MAGI1: variants seen among roughly 807,000 people sequenced by gnomAD.
MAGI1 encodes membrane associated guanylate kinase, WW and PDZ domain containing 1.
MAGI1 carries 58 observed loss-of-function variants against 139.9 expected under a neutral mutation model. The observed-to-expected ratio is 0.41, with a 90% confidence interval of 0.34 to 0.52. MAGI1 has a LOEUF of 0.52. Among genes scored for constraint, MAGI1 ranks in the 20% least tolerant of loss-of-function variants. MAGI1 has a pLI of 0.12. For missense variants in MAGI1, 1,874 were observed against 1,901.6 expected, an observed-to-expected ratio of 0.99 and a Z score of 0.27; for synonymous variants, 812 against 737.9, an observed-to-expected ratio of 1.10 and a Z score of -1.63.
intron 12 of MAGI1, chr3:65,401,951 C>CA (rs1553640157): frequency 1.1e-6 from 1 of 948,238 alleles, no homozygotes; most frequent in Non-Finnish European, 1.3e-6. Context: ...TTGGTCTTTT[C>CA]TTTTTTTTTC....
At chr3:65,714,214 G>A (rs1056657257) in intron 1 of MAGI1, among the ~76,000 whole-genome samples, 17 of 152,304 alleles carry the variant, frequency 1.1e-4, no homozygotes, top group Non-Finnish European at 2.1e-4. Flanking sequence ...AGTGCCTTGA[G>A]TGACTCTTGT....
At chr3:65,530,263 G>T (rs927375886) in intron 2 of MAGI1, among the ~76,000 whole-genome samples, 1 of 151,896 alleles carries the variant, frequency 6.6e-6, no homozygotes. Flanking sequence ...ACTGAATTAG[G>T]CGAGTGCTAA....
chr3:65,385,070 T>A (rs986728289), intron 14 of MAGI1, among the ~76,000 whole-genome samples: 1 of 152,224 alleles, frequency 6.6e-6, no homozygotes, highest in Non-Finnish European at 1.5e-5. Flanking sequence ...AATTTGCCTA[T>A]GATATTTCAG....
intron 8 of MAGI1, among the ~76,000 whole-genome samples, chr3:65,440,851 GTATACATA>G (rs1948258843): frequency 6.2e-5 from 1 of 16,038 alleles, no homozygotes; most frequent in Non-Finnish European, 1.6e-4. Flanking sequence ...ATATACATAT[GTATACATA>G]TATATGTATA....
intron 2 of MAGI1, among the ~76,000 whole-genome samples, chr3:65,537,267 T>A (rs2079002947): frequency 6.6e-6 from 1 of 152,166 alleles, no homozygotes; most frequent in Non-Finnish European, 1.5e-5. Flanking sequence ...CTTTCCTTCT[T>A]TCTCTGCCCA....
rs191518399 is a variant in MAGI1, at chr3:65,873,055, A to G, written c.313+164941T>C. 16 of 152,304 alleles carry G rather than the reference A, an allele frequency of 1.1e-4. No individual in the cohort carries two copies. In the East Asian group the frequency reaches 2.9e-3, roughly 28 times the overall value. 9.4% of individuals were successfully genotyped at this position (152,304 alleles called of 1,614,324 possible). ...TATTAACACACTTTATGTATTCCAG[A>G]CTTCAATTCTAAAAAAAGAACAAAG... On this transcript the variant is annotated intron_variant, in intron 1 of 22. Transcript: ENST00000402939.
chr3:65,747,903 G>A (rs1449017661), intron 1 of MAGI1, among the ~76,000 whole-genome samples: 2 of 152,320 alleles, frequency 1.3e-5, no homozygotes, highest in East Asian at 1.9e-4. Context: ...CAAAGCCAGC[G>A]GGCGAGGCAG....
rs72137110 is a variant in MAGI1 at position 65,477,712 on chromosome 3, T to TTATTA, written c.757+879_757+880insTAATA. 1.6e-3 allele frequency among the ~76,000 whole-genome samples: 142 copies of TTATTA among 88,666 alleles called. 1 individual carries two copies. Among genetic ancestry groups the TTATTA allele is most frequent in the Middle Eastern group, 6.9e-3 (1 of 144 alleles). 58.2% of individuals were successfully genotyped at this position (88,666 alleles called of 152,430 possible). A position where few individuals can be genotyped will look rare whatever the true frequency, so the allele number is the denominator to read the frequency against. On this transcript the variant is annotated intron_variant, in intron 4 of 22. Coordinates refer to ENST00000402939, the MANE Select transcript of MAGI1 (RefSeq NM_001033057.2). The stretch of plus-strand genomic sequence containing the variant: ...CGCAACATTATTATTATTATTATTA[T>TTATTA]TTTTTTTTTTTTATTTATATTTTTT...
At chr3:65,594,716 G>C (rs2106777096) in intron 2 of MAGI1, among the ~76,000 whole-genome samples, 1 of 152,184 alleles carries the variant, frequency 6.6e-6, no homozygotes, top group East Asian at 1.9e-4. Context: ...CTGAGAAAAT[G>C]GTGATTACTA....
intron 1 of MAGI1, among the ~76,000 whole-genome samples, chr3:65,750,952 T>A (rs2036101520): frequency 6.6e-6 from 1 of 152,216 alleles, no homozygotes; most frequent in Non-Finnish European, 1.5e-5. Context: ...TTGAAACCTT[T>A]CTTTATATAA....
chr3:65,646,211 A>C (rs113591428), intron 1 of MAGI1, among the ~76,000 whole-genome samples: 3 of 152,106 alleles, frequency 2.0e-5, no homozygotes. Flanking sequence ...GATAGAAAAA[A>C]ATATGCAAAC....
intron 2 of MAGI1, among the ~76,000 whole-genome samples, chr3:65,506,916 C>T (rs1480719820): frequency 1.3e-5 from 2 of 152,160 alleles, no homozygotes; most frequent in South Asian, 2.1e-4. Context: ...TTAACAAATA[C>T]ATTCGTTCTC....
intron 1 of MAGI1, among the ~76,000 whole-genome samples, chr3:66,032,059 G>A (rs1471139462): frequency 3.3e-5 from 5 of 152,174 alleles, no homozygotes; most frequent in African/African-American, 1.2e-4. Flanking sequence ...ATCTGATTAC[G>A]AGAAAGTGAA....
chr3:65,604,616 CT>C (rs1170568374), intron 2 of MAGI1, among the ~76,000 whole-genome samples: 3 of 151,852 alleles, frequency 2.0e-5, no homozygotes, highest in African/African-American at 7.3e-5. Flanking sequence ...TTATAAGAAC[CT>C]TTGATTTCCA....
rs567040564 is a variant in MAGI1 at position 65,515,526 on chromosome 3, G to A, written c.431-21895C>T. On this transcript the variant is annotated intron_variant, in intron 2 of 22. Transcript: ENST00000402939. Reference sequence around the variant, plus strand: ...TGGAAAATATAAAATTCACACAATAGGGCCTGATCAAATCTTTGGTAGTTG... The same window carrying A: ...TGGAAAATATAAAATTCACACAATAAGGCCTGATCAAATCTTTGGTAGTTG... Among the ~76,000 whole-genome samples, 456 of 152,158 alleles carry A rather than the reference G, an allele frequency of 3.0e-3. 1 individual carries two copies. The highest frequency in any genetic ancestry group is 0.01 in the African/African-American group (429 of 41,508).
chr3:65,371,872 T>C, intron 18 of MAGI1: 1 of 441,610 alleles, frequency 2.3e-6, no homozygotes, highest in South Asian at 1.6e-5. Context: ...AGTCACATCT[T>C]CCGGCTCCAC....
intron 5 of MAGI1, among the ~76,000 whole-genome samples, chr3:65,458,513 G>A (rs1425334202): frequency 2.6e-5 from 4 of 151,850 alleles, no homozygotes; most frequent in African/African-American, 9.7e-5. Flanking sequence ...ATTTTAACTG[G>A]GGTAAGATAA....
intron 8 of MAGI1, among the ~76,000 whole-genome samples, chr3:65,442,190 C>G (rs1948390197): frequency 6.6e-6 from 1 of 151,396 alleles, no homozygotes; most frequent in Non-Finnish European, 1.5e-5. Flanking sequence ...GAATAAGGCA[C>G]ACAGTAAAGT....
intron 1 of MAGI1, among the ~76,000 whole-genome samples, chr3:65,682,764 T>C (rs893307572): frequency 6.6e-6 from 1 of 152,074 alleles, no homozygotes; most frequent in African/African-American, 2.4e-5. Flanking sequence ...AAACTTTCAC[T>C]CTGTGAAAGC....
Sources: allele counts gnomAD v4.1 joint callset (sites outside exome capture counted in the v4.1 genomes callset), GRCh38; gene constraint gnomAD v4.1.1; transcripts MANE v1.5; gene names NCBI Gene and HGNC (gene_info 2026-07-23, HGNC 2026-07-21).